Variants in STIM1 observed in about 807,000 individuals in gnomAD.
STIM1 encodes stromal interaction molecule 1.
A neutral mutation model predicts 74.7 loss-of-function variants in STIM1; 25 were observed. The observed-to-expected ratio is 0.33, with a 90% CI of 0.24 to 0.47. The LOEUF (loss-of-function observed/expected upper bound fraction) is 0.47, where lower values mean the gene tolerates loss of function less well. STIM1 is among the 20% of genes least tolerant of loss of function. STIM1 has a pLI of 1.00. For missense variants in STIM1, 728 were observed against 920.8 expected (o/e 0.79, Z 2.71); for synonymous variants, 328 against 348.8 (o/e 0.94, Z 0.66).
intron 3 of STIM1, among the ~76,000 whole-genome samples, chr11:4,050,197 A>T (rs1351367008): frequency 6.6e-6 from 1 of 152,180 alleles, no homozygotes; most frequent in African/African-American, 2.4e-5. Context: ...AGAAAGATGG[A>T]ATGTATTGAT....
chr11:3,989,026 G>C (rs2093583713), intron 2 of STIM1: 4 of 910,846 alleles, frequency 4.4e-6, no homozygotes, highest in Non-Finnish European at 6.5e-6. Flanking sequence ...GATGAGGTGG[G>C]ATTCCCTCCT....
intron 7 of STIM1, among the ~76,000 whole-genome samples, chr11:4,079,625 CAACAT>C (rs769063489): frequency 6.6e-6 from 1 of 151,790 alleles, no homozygotes; most frequent in Non-Finnish European, 1.5e-5. Context: ...GATGTTAACA[CAACAT>C]ATTTTCTAAA....
chr11:4,081,785 G>C (rs2094466906), intron 7 of STIM1, among the ~76,000 whole-genome samples: 1 of 152,216 alleles, frequency 6.6e-6, no homozygotes, highest in African/African-American at 2.4e-5. Flanking sequence ...CCTGACCAGT[G>C]CTTTTTCTGT....
At position 3,856,304 on chromosome 11, in the gene STIM1, C is replaced by T; in HGVS notation, c.34C>T (p.Leu12Phe). The change falls in exon 1 of 13, where the codon CTC (leucine) becomes TTC (phenylalanine). Residue 12 changes from leucine (L) to phenylalanine (F), a missense_variant. Around this residue, in one of 5 missense-constraint regions of STIM1, gnomAD observed 62 missense variants for 55.5 expected, o/e 1.12. Coordinates refer to ENST00000526596, the MANE Select transcript of STIM1 (RefSeq NM_001382567.1). ...DVCVRLALWL[L>F]WGLLLHQGQS... is the part of the protein sequence containing the mutation. The stretch of plus-strand genomic sequence containing the variant: ...ATGCGTCCGTCTTGCCCTGTGGCTC[C>T]TCTGGGGACTCCTCCTGCACCAGGG... 1 of 1,614,200 alleles carries T rather than the reference C, an allele frequency of 6.2e-7. No individual in the cohort carries two copies. Among genetic ancestry groups the T allele is most frequent in the Non-Finnish European group, 8.5e-7 (1 of 1,180,040 alleles).
Position 4,091,273 on chromosome 11 carries a change from G to A in STIM1, c.1635-9G>A. ...GTCCCTTTCTTCCTCTCTGCCCCAT[G>A]TCTTGCAGGGATTTGACCCATTCCG... is the stretch of plus-strand genomic sequence containing the variant. On this transcript the variant is annotated splice_polypyrimidine_tract_variant and intron_variant, in intron 12 of 12. Transcript: ENST00000526596. 3 of 1,614,032 alleles carry A rather than the reference G, an allele frequency of 1.9e-6. No homozygotes were observed. The highest frequency in any genetic ancestry group is 2.5e-6 in the Non-Finnish European group (3 of 1,180,028).
intron 1 of STIM1, among the ~76,000 whole-genome samples, chr11:3,916,559 CT>C (rs1266937760): frequency 6.6e-6 from 1 of 151,284 alleles, no homozygotes; most frequent in African/African-American, 2.4e-5. Context: ...TCAAGTGATT[CT>C]CCTGCCTCAG....
At chr11:3,966,955 A>G (rs2093345835) in intron 1 of STIM1, among the ~76,000 whole-genome samples, 1 of 152,232 alleles carries the variant, frequency 6.6e-6, no homozygotes. Context: ...GGACCTTCAG[A>G]TATCTAAAAA....
chr11:4,037,763 T>C (rs548856037), intron 3 of STIM1, among the ~76,000 whole-genome samples: 3 of 152,150 alleles, frequency 2.0e-5, no homozygotes, highest in African/African-American at 7.2e-5. Context: ...ATTTAGACCA[T>C]TTACGTTTGG....
chr11:4,084,652 T>C, intron 10 of STIM1, 21 bp from the exon 11 acceptor site: 1 of 1,289,076 alleles, frequency 7.8e-7, no homozygotes, highest in Non-Finnish European at 1.0e-6. Context: ...CTTCTCCTTT[T>C]GGCCTGGCTG....
chr11:3,966,879 A>G (rs2093345100), intron 1 of STIM1, among the ~76,000 whole-genome samples: 1 of 152,176 alleles, frequency 6.6e-6, no homozygotes, highest in African/African-American at 2.4e-5. Flanking sequence ...TGCTACATGG[A>G]CATGTAATGG....
chr11:3,883,954 C>G (rs1183657176), intron 1 of STIM1, among the ~76,000 whole-genome samples: 1 of 151,948 alleles, frequency 6.6e-6, no homozygotes, highest in Non-Finnish European at 1.5e-5. Context: ...GAATAATAGT[C>G]CCTATTGTTT....
chr11:4,040,322 C>T (rs2094138627), intron 3 of STIM1, among the ~76,000 whole-genome samples: 2 of 152,218 alleles, frequency 1.3e-5, no homozygotes, highest in Admixed American at 6.5e-5. Context: ...CACATCTCCT[C>T]TGGAAGTGCA....
chr11:3,957,166 G>A (rs528048496), intron 1 of STIM1, among the ~76,000 whole-genome samples: 21 of 152,240 alleles, frequency 1.4e-4, no homozygotes, highest in Non-Finnish European at 2.2e-4. Flanking sequence ...GGCCATATGA[G>A]GTGCAAAGTC....
chr11:4,000,244 G>T (rs2093701492), intron 2 of STIM1, among the ~76,000 whole-genome samples: 1 of 100,120 alleles, frequency 1.0e-5, no homozygotes, highest in Non-Finnish European at 2.3e-5. Flanking sequence ...GGTTCTCCCA[G>T]CATGCAGCTG....
chr11:4,019,829 A>C (rs1261592550), intron 2 of STIM1, among the ~76,000 whole-genome samples: 2 of 152,136 alleles, frequency 1.3e-5, no homozygotes, highest in Non-Finnish European at 2.9e-5. Flanking sequence ...GCTATTTTGA[A>C]ATATACACTA....
At chr11:3,952,230 T>C (rs1428010677) in intron 1 of STIM1, among the ~76,000 whole-genome samples, 2 of 151,944 alleles carry the variant, frequency 1.3e-5, no homozygotes, top group African/African-American at 2.4e-5. Context: ...CTGGGCAACA[T>C]AGTGAAACCT....
At chr11:3,950,775 G>C (rs1434474182) in intron 1 of STIM1, among the ~76,000 whole-genome samples, 1 of 152,114 alleles carries the variant, frequency 6.6e-6, no homozygotes, top group Non-Finnish European at 1.5e-5. Flanking sequence ...ACAAGTGCAT[G>C]ACACCATACC....
At chr11:3,994,690 C>A (rs534010452) in intron 2 of STIM1, among the ~76,000 whole-genome samples, 19 of 152,186 alleles carry the variant, frequency 1.2e-4, no homozygotes, top group South Asian at 1.0e-3. Context: ...TAACTCCTGG[C>A]CCCAAGCAAT....
rs2090999880 is a variant in STIM1 at position 3,869,560 on chromosome 11, C to G, written c.139+13151C>G. Among the ~76,000 whole-genome samples the G allele has an allele frequency of 2.0e-5, 3 of 152,112 alleles. No homozygotes were observed. In the South Asian group the frequency reaches 6.2e-4, roughly 32 times the overall value. On this transcript the variant is annotated intron_variant, in intron 1 of 12. Coordinates refer to ENST00000526596, the MANE Select transcript of STIM1 (RefSeq NM_001382567.1). ...CATAGGAAATGTTATGAGTAAAGGTCTGGAGTGGGAAAAAGTAAAGAGTCT... is the reference window on the plus strand; with the variant it reads ...CATAGGAAATGTTATGAGTAAAGGTGTGGAGTGGGAAAAAGTAAAGAGTCT...
Sources: gnomAD v4.1 joint callset for allele counts (sites outside exome capture counted in the v4.1 genomes callset) on GRCh38, gnomAD v4.1.1 for gene constraint, gnomAD v4.1.1 regional missense constraint, MANE v1.5 for transcripts, NCBI Gene and HGNC (gene_info 2026-07-23, HGNC 2026-07-21) for gene names.